Variants in PIWIL2 observed in about 807,000 individuals in gnomAD.
The protein encoded by PIWIL2 is piwi like RNA-mediated gene silencing 2.
Under a neutral mutation model 116.5 loss-of-function variants are expected in PIWIL2, and 81 were observed. That is an observed-to-expected ratio of 0.70 (90% CI 0.58 to 0.84). The LOEUF (loss-of-function observed/expected upper bound fraction) is 0.84, where lower values mean the gene tolerates loss of function less well. Ranked by LOEUF, PIWIL2 falls within the 40% of genes least tolerant of loss-of-function variation. PIWIL2 has a pLI of 0.00. For missense variants in PIWIL2, 1,272 were observed against 1,212.3 expected, an observed-to-expected ratio of 1.05 and a Z score of -0.73; for synonymous variants, 489 against 429.5, an observed-to-expected ratio of 1.14 and a Z score of -1.71.
chr8:22,319,236 C>A (rs981123417), intron 20 of PIWIL2, among the ~76,000 whole-genome samples: 1 of 152,190 alleles, frequency 6.6e-6, no homozygotes, highest in Admixed American at 6.5e-5. Context: ...CACCTTGTCT[C>A]TTTATAGAAT....
intron 13 of PIWIL2, among the ~76,000 whole-genome samples, 185 bp from the exon 14 acceptor site, chr8:22,307,748 A>T (rs1215665056): frequency 2.0e-5 from 3 of 152,010 alleles, no homozygotes; most frequent in Non-Finnish European, 2.9e-5. Context: ...CATCCTTCCA[A>T]TCAATTTTTA....
chr8:22,314,994 G>T (rs746631674), intron 17 of PIWIL2, 35 bp from the exon 18 acceptor site: 1 of 1,176,542 alleles, frequency 8.5e-7, no homozygotes, highest in Non-Finnish European at 1.3e-6. Context: ...ATAGTGACCT[G>T]CTTCTCCTGA....
intron 20 of PIWIL2, among the ~76,000 whole-genome samples, chr8:22,329,192 T>C (rs1038451047): frequency 6.6e-6 from 1 of 152,226 alleles, no homozygotes; most frequent in Admixed American, 6.5e-5. Flanking sequence ...TTTTATCAGA[T>C]GATTTTTCTG....
chr8:22,303,710 T>C (rs539240219), intron 10 of PIWIL2, among the ~76,000 whole-genome samples: 2 of 152,288 alleles, frequency 1.3e-5, no homozygotes, highest in African/African-American at 2.4e-5. Context: ...TATTCTCTTA[T>C]TTCCTGCAGT....
In PIWIL2 at chr8:22,291,224, C is replaced by G. The variant is rs984032378; in HGVS notation, c.1181+878C>G. On this transcript the variant is annotated intron_variant, in intron 10 of 22. Transcript: ENST00000356766. The stretch of plus-strand genomic sequence containing the variant: ...GAAGTGCAGTAGTGTGATCTCAACT[C>G]ACTGCAACCTCTGCCTCCTGGGTTG... Among the ~76,000 whole-genome samples the G allele has an allele frequency of 5.3e-5, 8 of 151,692 alleles. No individual in the cohort carries two copies. The South Asian group carries it at 1.5e-3, about 28-fold the overall frequency.
At chr8:22,350,948 C>G (rs777337551) in intron 20 of PIWIL2, among the ~76,000 whole-genome samples, 1 of 152,166 alleles carries the variant, frequency 6.6e-6, no homozygotes, top group Non-Finnish European at 1.5e-5. Context: ...TGAGACCAGC[C>G]TGCCCTACGT....
chr8:22,295,979 G>A (rs1028804396), intron 10 of PIWIL2, among the ~76,000 whole-genome samples: 3 of 149,660 alleles, frequency 2.0e-5, no homozygotes, highest in Non-Finnish European at 3.0e-5. Flanking sequence ...TTGCTCTCCC[G>A]GCTGGCTGAA....
At chr8:22,329,702 T>C (rs1255262766) in intron 20 of PIWIL2, among the ~76,000 whole-genome samples, 2 of 152,246 alleles carry the variant, frequency 1.3e-5, no homozygotes, top group Non-Finnish European at 2.9e-5. Context: ...AGCAATAGTA[T>C]ATAGAAACTT....
rs753334845 is a variant in PIWIL2 at position 22,281,403 on chromosome 8, T to C, written c.313T>C (p.Ser105Pro). Residue 105 changes from serine (S) to proline (P), a missense_variant, in exon 4 of 23, where the codon TCT becomes CCT. By Grantham distance (74) the Ser-to-Pro change is moderately conservative. Transcript: ENST00000356766. ...SGRGILGRGL[S>P]ANLVRKDREE... The stretch of plus-strand genomic sequence containing the variant: ...TAGAGGCATTTTAGGTCGAGGCTTG[T>C]CTGCTAATCTGGTACGCAAGGACAG... 1 of 1,608,840 alleles carries C rather than the reference T, an allele frequency of 6.2e-7. No individual in the cohort carries two copies. Among genetic ancestry groups the C allele is most frequent in the Non-Finnish European group, 8.5e-7 (1 of 1,178,918 alleles).
At chr8:22,286,403 A>G (rs1196005327) in intron 6 of PIWIL2, among the ~76,000 whole-genome samples, 1 of 152,170 alleles carries the variant, frequency 6.6e-6, no homozygotes, top group Non-Finnish European at 1.5e-5. Context: ...GAGCACATAC[A>G]ACAGGTAGAG....
chr8:22,284,068 C>T (rs2131986645), intron 5 of PIWIL2, 94 bp from the exon 6 acceptor site: 3 of 615,480 alleles, frequency 4.9e-6, no homozygotes, highest in Non-Finnish European at 8.4e-6. Flanking sequence ...ATGTTACTTC[C>T]CCCAATCTTC....
intron 8 of PIWIL2, among the ~76,000 whole-genome samples, 194 bp downstream of exon 8, chr8:22,288,860 A>G (rs1830691807): frequency 6.6e-6 from 1 of 152,244 alleles, no homozygotes; most frequent in African/African-American, 2.4e-5. Context: ...AGATTTGAAT[A>G]TATGAAATTA....
At chr8:22,318,546 G>C (rs1214927893) in intron 20 of PIWIL2, among the ~76,000 whole-genome samples, 2 of 152,174 alleles carry the variant, frequency 1.3e-5, no homozygotes, top group Admixed American at 6.5e-5. Flanking sequence ...TCGAACTCCT[G>C]ACCTCAGGTG....
At chr8:22,287,084 CAA>C (rs775377576) in intron 6 of PIWIL2, among the ~76,000 whole-genome samples, 8 of 141,380 alleles carry the variant, frequency 5.7e-5, no homozygotes, top group East Asian at 2.0e-4. Context: ...GACCCTATCT[CAA>C]AAAAAAAAAG....
intron 20 of PIWIL2, among the ~76,000 whole-genome samples, chr8:22,322,761 G>A (rs981580831): frequency 3.3e-5 from 5 of 150,728 alleles, no homozygotes; most frequent in African/African-American, 1.2e-4. Flanking sequence ...GGCTTGTCTC[G>A]AACTCCTGAC....
chr8:22,289,989 C>A (rs1830722619), intron 9 of PIWIL2, 62 bp downstream of exon 9: 1 of 1,088,044 alleles, frequency 9.2e-7, no homozygotes, highest in South Asian at 1.3e-5. Flanking sequence ...TCCATTACAA[C>A]CATTGTATTT....
chr8:22,304,997 A>G, intron 12 of PIWIL2, 129 bp downstream of exon 12: 1 of 666,604 alleles, frequency 1.5e-6, no homozygotes, highest in South Asian at 1.8e-5. Flanking sequence ...AAGCTGTGCA[A>G]GTGTTTGTCT....
chr8:22,312,889 CCTCCACCTCCCAA>C (rs1831367547), intron 16 of PIWIL2, among the ~76,000 whole-genome samples: 2 of 152,192 alleles, frequency 1.3e-5, no homozygotes, highest in East Asian at 3.8e-4. Flanking sequence ...AGTCCTCCCA[CCTCCACCTCCCAA>C]AGTGCTGGGA....
intron 19 of PIWIL2, among the ~76,000 whole-genome samples, chr8:22,316,938 G>A (rs1831474280): frequency 6.6e-6 from 1 of 151,648 alleles, no homozygotes; most frequent in Non-Finnish European, 1.5e-5. Context: ...ACAAGCATGT[G>A]CCACCATACC....
Sources: gnomAD v4.1 joint callset for allele counts (sites outside exome capture counted in the v4.1 genomes callset) on GRCh38, gnomAD v4.1.1 for gene constraint, MANE v1.5 for transcripts, NCBI Gene and HGNC (gene_info 2026-07-23, HGNC 2026-07-21) for gene names.